OXR1: variants seen among roughly 807,000 people sequenced by gnomAD.
OXR1 encodes the protein oxidation resistance protein 1.
Under a neutral mutation model 104.6 loss-of-function variants are expected in OXR1, and 41 were observed. The observed-to-expected ratio is 0.39, with a 90% CI of 0.31 to 0.51. The LOEUF is 0.51. OXR1 is among the 20% of genes least tolerant of loss of function. OXR1 has a pLI of 0.77. For synonymous variants in OXR1, 348 were observed against 348.4 expected (o/e 1.00, Z 0.01); for missense variants, 955 against 1,031.9 (o/e 0.93, Z 1.02).
At chr8:106,713,086 G>A (rs1486574508) in intron 10 of OXR1, among the ~76,000 whole-genome samples, 1 of 151,848 alleles carries the variant, frequency 6.6e-6, no homozygotes, top group African/African-American at 2.4e-5. Context: ...AAATATGTTA[G>A]CTGCCACGTA....
intron 2 of OXR1, among the ~76,000 whole-genome samples, chr8:106,417,233 T>C (rs1818716560): frequency 6.6e-6 from 1 of 152,160 alleles, no homozygotes; most frequent in Admixed American, 6.6e-5. Flanking sequence ...ATAATTTATA[T>C]GCATATTTAA....
chr8:106,393,152 C>T (rs1399250376), intron 2 of OXR1, among the ~76,000 whole-genome samples: 1 of 152,050 alleles, frequency 6.6e-6, no homozygotes, highest in Non-Finnish European at 1.5e-5. Flanking sequence ...ACAGTCTGTA[C>T]CTTTAACTCT....
intron 3 of OXR1, among the ~76,000 whole-genome samples, chr8:106,633,157 G>A (rs1197759645): frequency 2.1e-5 from 3 of 145,890 alleles, no homozygotes; most frequent in East Asian, 2.1e-4. Context: ...GCTTGAACCC[G>A]GGAGGCAGAG....
chr8:106,672,418 T>C (rs1218803421), intron 3 of OXR1, among the ~76,000 whole-genome samples: 1 of 150,510 alleles, frequency 6.6e-6, no homozygotes, highest in African/African-American at 2.4e-5. Flanking sequence ...ACCTGGGAGG[T>C]TGGGGTTGCA....
chr8:106,657,305 C>T (rs970932034), intron 3 of OXR1, among the ~76,000 whole-genome samples: 22 of 129,516 alleles, frequency 1.7e-4, no homozygotes, highest in Non-Finnish European at 3.2e-4. Flanking sequence ...GGTATCTCCG[C>T]CGTCCTTAAA....
chr8:106,579,107 A>G (rs1019374063), intron 3 of OXR1, among the ~76,000 whole-genome samples: 2 of 147,386 alleles, frequency 1.4e-5, no homozygotes, highest in Non-Finnish European at 3.0e-5. Flanking sequence ...GCCTTTCTCT[A>G]GCTGGACTAT....
At chr8:106,646,385 G>A (rs1824085494) in intron 3 of OXR1, among the ~76,000 whole-genome samples, 1 of 152,122 alleles carries the variant, frequency 6.6e-6, no homozygotes, top group African/African-American at 2.4e-5. Flanking sequence ...TGGAATTACA[G>A]GCATGAGCCA....
chr8:106,348,914 C>T (rs550541031), intron 1 of OXR1, among the ~76,000 whole-genome samples: 1 of 152,264 alleles, frequency 6.6e-6, no homozygotes, highest in African/African-American at 2.4e-5. Context: ...TAGGAATAGT[C>T]ATCAGAGGTT....
chr8:106,303,274 G>A (rs1227274499), intron 1 of OXR1, among the ~76,000 whole-genome samples: 1 of 93,758 alleles, frequency 1.1e-5, no homozygotes, highest in African/African-American at 4.3e-5. Flanking sequence ...TTTTTTTTGA[G>A]TCAGAGTCTC....
intron 3 of OXR1, among the ~76,000 whole-genome samples, chr8:106,550,409 G>C (rs751570552): frequency 5.3e-5 from 8 of 152,102 alleles, no homozygotes; most frequent in Non-Finnish European, 7.4e-5. Context: ...ATGGTGGAAG[G>C]GGGTAAGACC....
At chr8:106,737,466 T>G (rs1784467) in intron 11 of OXR1, 54 bp from the exon 12 acceptor site, 4 of 385,898 alleles carry the variant, frequency 1.0e-5, no homozygotes, top group Non-Finnish European at 1.8e-5. Flanking sequence ...TTTTTTTTTT[T>G]GCTGTTTTTC....
At chr8:106,516,607 T>G (rs1171126338) in intron 2 of OXR1, among the ~76,000 whole-genome samples, 1 of 152,178 alleles carries the variant, frequency 6.6e-6, no homozygotes, top group Non-Finnish European at 1.5e-5. Context: ...TCTAGGAGTC[T>G]GGAATGAAAA....
Position 106,687,895 on chromosome 8 carries a change from A to G in OXR1, c.525+3536A>G, listed in dbSNP as rs187809743. Among the ~76,000 whole-genome samples, 9 of 152,318 alleles carry G rather than the reference A, an allele frequency of 5.9e-5. No individual in the cohort carries two copies. In the East Asian group the frequency reaches 1.5e-3, roughly 26 times the overall value. On this transcript the variant is annotated intron_variant, in intron 6 of 16. Transcript: ENST00000517566. Reference sequence around the variant, plus strand: ...CCCAGATGGGCTTGGTTCGGAGCCCATATTTTTTATTACTACTTTATAGCT... The same window carrying G: ...CCCAGATGGGCTTGGTTCGGAGCCCGTATTTTTTATTACTACTTTATAGCT...
intron 11 of OXR1, chr8:106,726,058 A>G (rs1039236528): frequency 1.2e-5 from 10 of 825,756 alleles, no homozygotes; most frequent in East Asian, 9.9e-5. Flanking sequence ...ACTCAGGACT[A>G]TCATTGCTAT....
At chr8:106,401,971 G>A (rs549886240) in intron 2 of OXR1, among the ~76,000 whole-genome samples, 1 of 152,304 alleles carries the variant, frequency 6.6e-6, no homozygotes, top group South Asian at 2.1e-4. Context: ...GACAGTGAAG[G>A]TGTATTGGTG....
At chr8:106,708,341 A>G (rs951589394) in intron 9 of OXR1, among the ~76,000 whole-genome samples, 1 of 152,124 alleles carries the variant, frequency 6.6e-6, no homozygotes, top group Non-Finnish European at 1.5e-5. Context: ...CGAGGCTGCT[A>G]TGAGCCATGA....
intron 9 of OXR1, 62 bp downstream of exon 9, chr8:106,707,207 C>T: frequency 6.6e-7 from 1 of 1,512,086 alleles, no homozygotes; most frequent in Middle Eastern, 1.7e-4. Context: ...CGTCTTTCCT[C>T]ACTGACTCAA....
At chr8:106,709,379 TA>T (rs1362154533) in intron 9 of OXR1, among the ~76,000 whole-genome samples, 3 of 152,130 alleles carry the variant, frequency 2.0e-5, no homozygotes, top group Admixed American at 1.3e-4. Context: ...CAGTTGTTAT[TA>T]ACGATCTGTA....
At chr8:106,542,915 C>T (rs76951339) in intron 3 of OXR1, among the ~76,000 whole-genome samples, 149 of 152,232 alleles carry the variant, frequency 9.8e-4, no homozygotes, top group Non-Finnish European at 1.7e-3. Flanking sequence ...TTTGTGTCAA[C>T]GATTGCCCCC....
Sources: gnomAD v4.1 joint callset for allele counts (sites outside exome capture counted in the v4.1 genomes callset) on GRCh38, gnomAD v4.1.1 for gene constraint, MANE v1.5 for transcripts, NCBI Gene and HGNC (gene_info 2026-07-23, HGNC 2026-07-21) for gene names.